USP12: variants seen among roughly 807,000 people sequenced by gnomAD.
USP12 encodes ubiquitin carboxyl-terminal hydrolase 12.
In USP12, 19 loss-of-function variants were observed where a neutral mutation model predicts 45.5. The observed-to-expected ratio is 0.42, with a 90% CI of 0.29 to 0.61. USP12 has a LOEUF of 0.61. USP12 is among the 20% of genes least tolerant of loss of function. The pLI is 0.22. For synonymous variants in USP12, 149 were observed against 148.8 expected (o/e 1.00, Z -0.01); for missense variants, 242 against 447.7 (o/e 0.54, Z 4.15).
intron 1 of USP12, among the ~76,000 whole-genome samples, chr13:27,121,681 GA>G (rs1875997742): frequency 6.6e-6 from 1 of 151,916 alleles, no homozygotes; most frequent in Admixed American, 6.6e-5. Flanking sequence ...CTAACACGGT[GA>G]AACCCCGTCT....
intron 6 of USP12, among the ~76,000 whole-genome samples, chr13:27,082,613 A>G (rs1873810492): frequency 6.6e-6 from 1 of 152,216 alleles, no homozygotes; most frequent in Non-Finnish European, 1.5e-5. Flanking sequence ...CTTGGCTTTC[A>G]ACGTGCCCTA....
In USP12 at chr13:27,163,061, T is replaced by C. The variant is rs531047637; in HGVS notation, c.48+8531A>G. 3.9e-5 allele frequency: 6 copies of C among 152,306 alleles called. No homozygotes were observed. The East Asian group carries it at 9.6e-4, about 24-fold the overall frequency. 9.4% of individuals were successfully genotyped at this position (152,306 alleles called of 1,614,324 possible). ...CTGAACTGTCCTTGTACCCCATCCATCTTGTTTTGTTGTCATTTTCTCTTC... is the reference window on the plus strand; with the variant it reads ...CTGAACTGTCCTTGTACCCCATCCACCTTGTTTTGTTGTCATTTTCTCTTC... On this transcript the variant is annotated intron_variant, in intron 1 of 8. Transcript: ENST00000282344.
chr13:27,089,350 A>G (rs1874208512), intron 6 of USP12: 1 of 152,624 alleles, frequency 6.6e-6, no homozygotes, highest in South Asian at 2.1e-4. Context: ...TTATTTTCAA[A>G]TGGTTTAGGG....
chr13:27,108,658 T>C (rs1875272520), intron 2 of USP12, among the ~76,000 whole-genome samples: 1 of 152,180 alleles, frequency 6.6e-6, no homozygotes, highest in South Asian at 2.1e-4. Flanking sequence ...AATTCATAAA[T>C]TTAAAATGAC....
At chr13:27,170,640 C>G (rs987635935) in intron 1 of USP12, among the ~76,000 whole-genome samples, 2 of 152,240 alleles carry the variant, frequency 1.3e-5, no homozygotes, top group Middle Eastern at 3.2e-3. Flanking sequence ...TTGCTTAATT[C>G]GGGACTTCCA....
chr13:27,108,595 A>C (rs1875269785), intron 2 of USP12, among the ~76,000 whole-genome samples: 2 of 152,210 alleles, frequency 1.3e-5, no homozygotes. Flanking sequence ...ATAAGTGTCA[A>C]CTTTAATACA....
At chr13:27,127,499 A>G (rs1483705463) in intron 1 of USP12, among the ~76,000 whole-genome samples, 1 of 152,210 alleles carries the variant, frequency 6.6e-6, no homozygotes, top group Non-Finnish European at 1.5e-5. Flanking sequence ...CTCTATTCCT[A>G]TCACAGGTCT....
chr13:27,170,664 C>G (rs1878550745), intron 1 of USP12, among the ~76,000 whole-genome samples: 1 of 152,250 alleles, frequency 6.6e-6, no homozygotes, highest in Admixed American at 6.5e-5. Context: ...GGCATTAGCA[C>G]TTTTCCCTTA....
chr13:27,164,840 A>C (rs1047718668), intron 1 of USP12, among the ~76,000 whole-genome samples: 2 of 152,176 alleles, frequency 1.3e-5, no homozygotes, highest in African/African-American at 4.8e-5. Context: ...TTGGGACTGT[A>C]GGTTTTAGAC....
At chr13:27,128,286 A>G (rs1301936945) in intron 1 of USP12, among the ~76,000 whole-genome samples, 1 of 152,240 alleles carries the variant, frequency 6.6e-6, no homozygotes, top group Non-Finnish European at 1.5e-5. Context: ...TAGTAATAAT[A>G]CTGGCTTTTC....
chr13:27,158,187 G>C (rs1877926341), intron 1 of USP12, among the ~76,000 whole-genome samples: 1 of 152,122 alleles, frequency 6.6e-6, no homozygotes, highest in South Asian at 2.1e-4. Flanking sequence ...TGTGTAGAAA[G>C]GGAAAATTCG....
At position 27,171,763 on chromosome 13, in the gene USP12, G is replaced by A; in HGVS notation, c.-124C>T. The A allele has an allele frequency of 2.2e-6, 1 of 445,792 alleles. No homozygotes were observed. The highest frequency in any genetic ancestry group is 3.0e-6 in the Non-Finnish European group (1 of 330,900). 27.6% of individuals were successfully genotyped at this position (445,792 alleles called of 1,614,324 possible). On this transcript the variant is annotated 5_prime_UTR_variant, in exon 1 of 9. Transcript: ENST00000282344. ...CCGAGCCGCCGCGGACCCAACCACC[G>A]AGCCCGCTGGGCCGCCGCTGCCGTC...
At chr13:27,160,747 CACCTGTTCTTAAAAGA>C (rs1489531195) in intron 1 of USP12, among the ~76,000 whole-genome samples, 1 of 151,884 alleles carries the variant, frequency 6.6e-6, no homozygotes, top group African/African-American at 2.4e-5. Context: ...TCCTATTCCT[CACCTGTTCTTAAAAGA>C]ACCAAAGCAT....
chr13:27,115,177 T>A (rs1410174606), intron 2 of USP12, among the ~76,000 whole-genome samples: 1 of 152,216 alleles, frequency 6.6e-6, no homozygotes, highest in African/African-American at 2.4e-5. Flanking sequence ...CAAAGCGTCC[T>A]CTGATGGTCT....
At position 27,069,095 on chromosome 13, in the gene USP12, CAA is replaced by C. The variant is rs1242160346; in HGVS notation, c.*186_*187del. The C allele has an allele frequency of 3.1e-5, 19 of 615,706 alleles. No individual in the cohort carries two copies. The East Asian group carries it at 5.3e-4, about 17-fold the overall frequency. The allele number at this position is 615,706 out of a possible 1,614,324, so 38.1% of individuals were successfully genotyped here. ...CTGTACAGACAGCATGATACCTGAG[CAA>C]ATAAATCAACTACCATGATCGGAAG... is the stretch of plus-strand genomic sequence containing the variant. On this transcript the variant is annotated 3_prime_UTR_variant, in exon 9 of 9. Transcript: ENST00000282344.
chr13:27,155,047 T>C (rs1207433582), intron 1 of USP12, among the ~76,000 whole-genome samples: 3 of 150,278 alleles, frequency 2.0e-5, no homozygotes, highest in African/African-American at 7.3e-5. Flanking sequence ...CAACTTTTTT[T>C]TTTTTCTGAT....
chr13:27,113,086 T>G (rs1032573321), intron 2 of USP12, among the ~76,000 whole-genome samples: 10 of 151,920 alleles, frequency 6.6e-5, no homozygotes, highest in African/African-American at 2.4e-4. Context: ...CCTTAAAAAA[T>G]TAGCTGAGCA....
chr13:27,069,521 C>A, intron 8 of USP12, 137 bp from the exon 9 acceptor site: 1 of 662,234 alleles, frequency 1.5e-6, no homozygotes, highest in South Asian at 1.8e-5. Context: ...GCTGGCAGGG[C>A]ACACCAAAAA....
At chr13:27,148,815 A>ACACACACACACACAC (rs1232624646) in intron 1 of USP12, among the ~76,000 whole-genome samples, 402 of 12,600 alleles carry the variant, frequency 0.032, 2 homozygotes, top group African/African-American at 0.079. Flanking sequence ...CACACACACA[A>ACACACACACACACAC]AAATCAGGTG....
Sources: allele counts gnomAD v4.1 joint callset (sites outside exome capture counted in the v4.1 genomes callset), GRCh38; gene constraint gnomAD v4.1.1; transcripts MANE v1.5; gene names NCBI Gene and HGNC (gene_info 2026-07-23, HGNC 2026-07-21).